TBCK: variants seen among roughly 807,000 people sequenced by gnomAD.
TBCK encodes the protein TBC1 domain containing kinase, also known as TBC domain-containing protein kinase-like protein.
Under a neutral mutation model 113.4 loss-of-function variants are expected in TBCK, and 99 were observed. The ratio of observed to expected loss-of-function variants is 0.87; its 90% CI spans 0.74 to 1.03. TBCK has a LOEUF of 1.03. TBCK is among the 50% of genes least tolerant of loss of function. The pLI, the probability that TBCK is intolerant of heterozygous loss-of-function variation, is 0.00. For missense variants in TBCK, 1,045 were observed against 1,061.3 expected (o/e 0.98, Z 0.21); for synonymous variants, 369 against 370.8 (o/e 1.00, Z 0.05).
chr4:106,236,839 T>C, intron 12 of TBCK, 31 bp from the exon 13 acceptor site: 2 of 1,333,858 alleles, frequency 1.5e-6, no homozygotes, highest in Non-Finnish European at 2.0e-6. Context: ...TATTTATGTA[T>C]AAACATATTG....
At chr4:106,076,969 T>G (rs1372178656) in intron 25 of TBCK, among the ~76,000 whole-genome samples, 1 of 152,000 alleles carries the variant, frequency 6.6e-6, no homozygotes, top group Non-Finnish European at 1.5e-5. Context: ...CCAGGTGTGG[T>G]GACATGCACC....
chr4:106,159,429 A>G (rs1216902957), intron 23 of TBCK, among the ~76,000 whole-genome samples: 1 of 152,134 alleles, frequency 6.6e-6, no homozygotes, highest in Admixed American at 6.5e-5. Context: ...ATGGAATTCA[A>G]CAAAGTAGCA....
chr4:106,238,435 G>A (rs1001323912), intron 12 of TBCK, among the ~76,000 whole-genome samples: 3 of 152,024 alleles, frequency 2.0e-5, no homozygotes, highest in African/African-American at 7.2e-5. Flanking sequence ...CAGGCCTAGA[G>A]AGAAAGTAGT....
chr4:106,161,219 C>G (rs942559104), intron 23 of TBCK, among the ~76,000 whole-genome samples: 1 of 151,850 alleles, frequency 6.6e-6, no homozygotes. Context: ...ATTTTTATCA[C>G]AATAAAAAAA....
chr4:106,181,997 T>C (rs571013349), intron 22 of TBCK, among the ~76,000 whole-genome samples: 50 of 152,310 alleles, frequency 3.3e-4, no homozygotes, highest in Non-Finnish European at 6.0e-4. Context: ...TTCCTATCCA[T>C]GAGCATGGAA....
At position 106,054,875 on chromosome 4, in the gene TBCK, G is replaced by A. The variant is rs571216180; in HGVS notation, c.2572-8195C>T. ...GTTGCTTTTATCTTTTACTAATAGA[G>A]TCTTCACCCAACTCTTGTATGAGTT... is the stretch of plus-strand genomic sequence containing the variant. On this transcript the variant is annotated intron_variant, in intron 25 of 25. Coordinates refer to ENST00000394708, the MANE Select transcript of TBCK (RefSeq NM_001163435.3). Among the ~76,000 whole-genome samples, 32 of 151,670 alleles carry A rather than the reference G, an allele frequency of 2.1e-4. No homozygotes were observed. In the South Asian group the frequency reaches 6.4e-3, roughly 30 times the overall value.
At chr4:106,315,065 A>G (rs1256081163) in intron 1 of TBCK, among the ~76,000 whole-genome samples, 1 of 152,222 alleles carries the variant, frequency 6.6e-6, no homozygotes, top group East Asian at 1.9e-4. Context: ...GGTTGTACAT[A>G]AAAAGGCTCA....
At chr4:106,236,682 GAA>G in intron 13 of TBCK, 75 bp downstream of exon 13, 1 of 1,046,484 alleles carries the variant, frequency 9.6e-7, no homozygotes, top group Non-Finnish European at 1.3e-6. Context: ...ATTTTTCAAA[GAA>G]AATGTATAAA....
At chr4:106,091,852 C>A (rs1451233392) in intron 25 of TBCK, among the ~76,000 whole-genome samples, 1 of 152,172 alleles carries the variant, frequency 6.6e-6, no homozygotes, top group Non-Finnish European at 1.5e-5. Flanking sequence ...TGGCCCCAAC[C>A]ACATCCTGCT....
At chr4:106,088,951 T>C (rs74933665) in intron 25 of TBCK, among the ~76,000 whole-genome samples, 1 of 151,570 alleles carries the variant, frequency 6.6e-6, no homozygotes, top group Admixed American at 6.6e-5. Flanking sequence ...AGGGAAGGGA[T>C]CTTAGAGGAC....
intron 22 of TBCK, among the ~76,000 whole-genome samples, chr4:106,185,697 G>A (rs1004774052): frequency 6.6e-6 from 1 of 152,082 alleles, no homozygotes; most frequent in African/African-American, 2.4e-5. Context: ...AGCAGCCTGG[G>A]TTCAGGAAGC....
At chr4:106,060,321 C>T (rs1328305485) in intron 25 of TBCK, among the ~76,000 whole-genome samples, 1 of 151,736 alleles carries the variant, frequency 6.6e-6, no homozygotes, top group African/African-American at 2.4e-5. Context: ...TAGGCTGACT[C>T]TCCTGTTAGA....
At chr4:106,268,601 C>T (rs1031802854) in intron 3 of TBCK, among the ~76,000 whole-genome samples, 16 of 151,786 alleles carry the variant, frequency 1.1e-4, no homozygotes, top group African/African-American at 3.9e-4. Flanking sequence ...AATGGCTATC[C>T]ACAAAAAAAA....
chr4:106,205,611 A>T (rs1579233694), intron 20 of TBCK, among the ~76,000 whole-genome samples: 1 of 145,956 alleles, frequency 6.9e-6, no homozygotes, highest in Admixed American at 6.8e-5. Flanking sequence ...AAAAAAAAAA[A>T]AAAAATTAGC....
chr4:106,156,390 T>C (rs1377637447), intron 23 of TBCK, among the ~76,000 whole-genome samples: 1 of 152,170 alleles, frequency 6.6e-6, no homozygotes, highest in Non-Finnish European at 1.5e-5. Context: ...CTACTGCCTG[T>C]GTTCACTCAA....
At chr4:106,153,720 G>A (rs1748793387) in intron 23 of TBCK, among the ~76,000 whole-genome samples, 2 of 151,960 alleles carry the variant, frequency 1.3e-5, no homozygotes, top group Admixed American at 1.3e-4. Flanking sequence ...GTGCTAATAA[G>A]TTGGGTACTC....
rs1191310245 is a variant in TBCK at position 106,174,206 on chromosome 4, A to G, written c.2060-2936T>C. Reference sequence around the variant, plus strand: ...TACCATTATCCAATTCTCTTAGGCTATCCCCTATATTTGATTCCTAACTTT... The same window carrying G: ...TACCATTATCCAATTCTCTTAGGCTGTCCCCTATATTTGATTCCTAACTTT... On this transcript the variant is annotated intron_variant, in intron 22 of 25. Coordinates refer to ENST00000394708, the MANE Select transcript of TBCK (RefSeq NM_001163435.3). Among the ~76,000 whole-genome samples the G allele has an allele frequency of 2.0e-5, 3 of 152,074 alleles. 1 individual carries two copies. The highest frequency in any genetic ancestry group is 4.4e-5 in the Non-Finnish European group (3 of 67,978).
intron 12 of TBCK, among the ~76,000 whole-genome samples, chr4:106,240,251 A>G (rs1321122890): frequency 6.6e-6 from 1 of 152,100 alleles, no homozygotes; most frequent in African/African-American, 2.4e-5. Flanking sequence ...TATCATACTT[A>G]ATTATGAAAT....
At chr4:106,251,158 A>G (rs994902211) in intron 6 of TBCK, 5 of 395,852 alleles carry the variant, frequency 1.3e-5, no homozygotes, top group Non-Finnish European at 2.5e-5. Flanking sequence ...AAATTTGGCA[A>G]ACTACTTAAT....
Sources: gnomAD v4.1 joint callset for allele counts (sites outside exome capture counted in the v4.1 genomes callset) on GRCh38, gnomAD v4.1.1 for gene constraint, MANE v1.5 for transcripts, NCBI Gene and HGNC (gene_info 2026-07-23, HGNC 2026-07-21) for gene names.